Variants in CHN1 observed in about 807,000 individuals in gnomAD.
CHN1 encodes N-chimaerin.
CHN1 carries 37 observed loss-of-function variants against 59.5 expected under a neutral mutation model. That is an observed-to-expected ratio of 0.62 (90% CI 0.48 to 0.82). The LOEUF is 0.82. CHN1 is among the 40% of genes least tolerant of loss of function. The probability of loss-of-function intolerance (pLI) is 0.00; values close to 1 mark genes in which losing one functional copy is unlikely to be tolerated. For missense variants in CHN1, 469 were observed against 571.0 expected (o/e 0.82, Z 1.82); for synonymous variants, 206 against 200.4 (o/e 1.03, Z -0.24).
intron 6 of CHN1, among the ~76,000 whole-genome samples, chr2:174,870,985 C>CA (rs888188554): frequency 3.3e-5 from 5 of 152,050 alleles, no homozygotes; most frequent in African/African-American, 1.2e-4. Flanking sequence ...TTCCTCTTTC[C>CA]ATCTGGTTTT....
At chr2:175,002,005 T>C (rs1221032010) in intron 1 of CHN1, among the ~76,000 whole-genome samples, 1 of 152,216 alleles carries the variant, frequency 6.6e-6, no homozygotes, top group East Asian at 1.9e-4. Context: ...CCACTCACTA[T>C]ACGGAATTAG....
At chr2:174,937,224 A>G (rs1305255978) in intron 3 of CHN1, among the ~76,000 whole-genome samples, 3 of 152,236 alleles carry the variant, frequency 2.0e-5, no homozygotes, top group Non-Finnish European at 4.4e-5. Context: ...CACAGAATTC[A>G]TCACCAAAAC....
At chr2:174,954,882 A>G (rs569333597) in intron 1 of CHN1, among the ~76,000 whole-genome samples, 3 of 152,182 alleles carry the variant, frequency 2.0e-5, no homozygotes, top group African/African-American at 7.2e-5. Context: ...CCGTGTGGAG[A>G]TTCCTTAAAG....
At chr2:174,907,376 C>T (rs764834674) in intron 5 of CHN1, among the ~76,000 whole-genome samples, 1 of 152,144 alleles carries the variant, frequency 6.6e-6, no homozygotes, top group Non-Finnish European at 1.5e-5. Context: ...GACAGCACTG[C>T]CAATGCTGGT....
chr2:174,902,131 A>G (rs539191850), intron 5 of CHN1, among the ~76,000 whole-genome samples: 1 of 152,158 alleles, frequency 6.6e-6, no homozygotes, highest in Non-Finnish European at 1.5e-5. Context: ...CCTACATTTT[A>G]AAATATTTTT....
intron 7 of CHN1, among the ~76,000 whole-genome samples, chr2:174,832,735 A>ACT (rs1366142832): frequency 4.6e-5 from 7 of 152,070 alleles, no homozygotes; most frequent in Non-Finnish European, 8.8e-5. Flanking sequence ...TGATAGGGAC[A>ACT]CTCTCTGAGA....
In CHN1 at chr2:174,803,864, C is replaced by G. The variant is rs543793447; in HGVS notation, c.1103-2052G>C. On this transcript the variant is annotated intron_variant, in intron 11 of 12. Coordinates refer to ENST00000409900, the MANE Select transcript of CHN1 (RefSeq NM_001822.7). ...CCACTGCACGCAGCTCTAGTTTTTA[C>G]TACAGGATAAATTAATTTGAAGCTA... Among the ~76,000 whole-genome samples, 5 of 152,262 alleles carry G rather than the reference C, an allele frequency of 3.3e-5. 1 individual carries two copies. The highest frequency in any genetic ancestry group is 1.2e-4 in the African/African-American group (5 of 41,552).
In CHN1 at chr2:174,952,196, T is replaced by C. The variant is rs1290460290; in HGVS notation, c.26A>G (p.Asp9Gly). 5 of 1,460,956 alleles carry C rather than the reference T, an allele frequency of 3.4e-6. No homozygotes were observed. The highest frequency in any genetic ancestry group is 3.0e-5 in the African/African-American group (2 of 67,354). The allele number at this position is 1,460,956 out of a possible 1,614,324, so 90.5% of individuals were successfully genotyped here. A position where few individuals can be genotyped will look rare whatever the true frequency, so the allele number is the denominator to read the frequency against. Residue 9 changes from aspartate (D) to glycine (G), a missense_variant, in exon 2 of 13, where the codon GAT (aspartate) becomes GGT (glycine). Around this residue, in one of 5 missense-constraint regions of CHN1, gnomAD observed 152 missense variants for 166.1 expected, o/e 0.92. Transcript: ENST00000409900. The stretch of plus-strand genomic sequence containing the variant: ...TTTCCAAACAGGAGGTCTATATTCA[T>C]CTGTATCTGAAAGAAAAAACATCAA... Reference protein sequence around the residue: MALTLFDTDEYRPPVWKSY... With the variant: MALTLFDTGEYRPPVWKSY...
intron 5 of CHN1, among the ~76,000 whole-genome samples, chr2:174,889,304 A>C (rs748109259): frequency 2.0e-5 from 3 of 152,242 alleles, no homozygotes; most frequent in Non-Finnish European, 2.9e-5. Flanking sequence ...GCTAAAAACA[A>C]GAATGAACTT....
intron 11 of CHN1, among the ~76,000 whole-genome samples, chr2:174,805,975 AGAG>A (rs1366401808): frequency 1.3e-5 from 2 of 152,188 alleles, no homozygotes; most frequent in African/African-American, 4.8e-5. Context: ...ATCCTTGGCC[AGAG>A]GAAGATTTCT....
chr2:174,820,179 T>C (rs1449356741), intron 8 of CHN1, among the ~76,000 whole-genome samples: 1 of 152,172 alleles, frequency 6.6e-6, no homozygotes, highest in Non-Finnish European at 1.5e-5. Flanking sequence ...TTTGGGTATA[T>C]ACCCAGTAAT....
At chr2:174,957,816 C>T (rs771866890) in intron 1 of CHN1, among the ~76,000 whole-genome samples, 11 of 151,966 alleles carry the variant, frequency 7.2e-5, no homozygotes, top group Non-Finnish European at 1.5e-4. Context: ...CTAGACCTTG[C>T]CTTCAAAGAT....
At chr2:174,989,021 T>C (rs1265800624) in intron 1 of CHN1, among the ~76,000 whole-genome samples, 1 of 152,210 alleles carries the variant, frequency 6.6e-6, no homozygotes, top group East Asian at 1.9e-4. Flanking sequence ...CTCAATCTGC[T>C]AAAAGTCCTA....
chr2:174,816,515 C>T (rs1014037696), intron 8 of CHN1, among the ~76,000 whole-genome samples: 7 of 152,190 alleles, frequency 4.6e-5, no homozygotes, highest in African/African-American at 1.7e-4. Context: ...CTAGAAAGAG[C>T]AGCCTTTTTT....
At chr2:174,840,747 G>C (rs937324641) in intron 7 of CHN1, among the ~76,000 whole-genome samples, 1 of 152,114 alleles carries the variant, frequency 6.6e-6, no homozygotes, top group African/African-American at 2.4e-5. Flanking sequence ...TCTTTGAAAA[G>C]ATTGAGTTAG....
At chr2:174,921,943 A>G (rs1689030115) in intron 3 of CHN1, among the ~76,000 whole-genome samples, 1 of 152,190 alleles carries the variant, frequency 6.6e-6, no homozygotes, top group African/African-American at 2.4e-5. Context: ...TCATATACTT[A>G]AATAATACTT....
chr2:174,910,857 G>T, intron 5 of CHN1, among the ~76,000 whole-genome samples: 1 of 133,032 alleles, frequency 7.5e-6, no homozygotes, highest in Non-Finnish European at 1.5e-5. Context: ...CGGAGATCGC[G>T]CCACAGCACT....
chr2:174,832,215 A>T (rs1685903736), intron 7 of CHN1, among the ~76,000 whole-genome samples: 1 of 152,130 alleles, frequency 6.6e-6, no homozygotes, highest in Non-Finnish European at 1.5e-5. Flanking sequence ...TAAAATGCAC[A>T]GGAAGTTATT....
intron 3 of CHN1, among the ~76,000 whole-genome samples, chr2:174,922,951 A>G (rs1258302403): frequency 6.6e-6 from 1 of 152,194 alleles, no homozygotes; most frequent in Non-Finnish European, 1.5e-5. Context: ...TATGGCATAA[A>G]TAGAGATCTG....
Sources: gnomAD v4.1 joint callset for allele counts (sites outside exome capture counted in the v4.1 genomes callset) on GRCh38, gnomAD v4.1.1 for gene constraint, gnomAD v4.1.1 regional missense constraint, MANE v1.5 for transcripts, NCBI Gene and HGNC (gene_info 2026-07-23, HGNC 2026-07-21) for gene names.